The following NOB1 variants were observed in gnomAD, a reference collection of about 807,000 sequenced individuals.
NOB1 encodes NIN1 (RPN12) binding protein 1 homolog, also known as RNA-binding protein NOB1.
A neutral mutation model predicts 44.8 loss-of-function variants in NOB1; 44 were observed. The ratio of observed to expected loss-of-function variants is 0.98; its 90% CI spans 0.77 to 1.26. The LOEUF is 1.26. Among genes scored for constraint, NOB1 ranks in the 50% most tolerant of loss-of-function variants. NOB1 has a pLI of 0.00. For synonymous variants in NOB1, 238 were observed against 218.7 expected, an observed-to-expected ratio of 1.09 and a Z score of -0.78; for missense variants, 560 against 544.8, an observed-to-expected ratio of 1.03 and a Z score of -0.28.
chr16:69,753,845 C>T (rs571673205), intron 2 of NOB1, among the ~76,000 whole-genome samples: 1 of 152,224 alleles, frequency 6.6e-6, no homozygotes, highest in South Asian at 2.1e-4. Flanking sequence ...CTCGCTCTGT[C>T]GCCCAGGCTG....
Position 69,749,195 on chromosome 16 carries a change from CAAAAG to C in NOB1, c.525+13_525+17del. 2 of 1,612,730 alleles carry C rather than the reference CAAAAG, an allele frequency of 1.2e-6. No homozygotes were observed. Among genetic ancestry groups the C allele is most frequent in the Non-Finnish European group, 1.7e-6 (2 of 1,179,224 alleles). On this transcript the variant is annotated intron_variant, in intron 5 of 8. Coordinates refer to ENST00000268802, the MANE Select transcript of NOB1 (RefSeq NM_014062.3). Reference sequence around the variant, plus strand: ...AGAAGTTGAGCTGTCGTCAGAAGACCAAAAGTCAAGGCCTCACCAGCAGCTCCTGC... The same window carrying C: ...AGAAGTTGAGCTGTCGTCAGAAGACCTCAAGGCCTCACCAGCAGCTCCTGC...
intron 7 of NOB1, 63 bp from the exon 8 acceptor site, chr16:69,745,080 C>G: frequency 6.3e-7 from 1 of 1,583,154 alleles, no homozygotes; most frequent in Non-Finnish European, 8.6e-7. Flanking sequence ...CTCCCCAGAG[C>G]ACAAGGTGGG....
Position 69,742,583 on chromosome 16 carries a change from T to G in NOB1, c.988A>C (p.Lys330Gln). Reference protein sequence around the residue: ...RGLRYSLPTPKGGKYAINPHL... With the variant: ...RGLRYSLPTPQGGKYAINPHL... ...GGGTTGATGGCGTATTTGCCCCCTTTGGGAGTGGGAAGCGAGTACTGGAAA... is the reference window on the plus strand; with the variant it reads ...GGGTTGATGGCGTATTTGCCCCCTTGGGGAGTGGGAAGCGAGTACTGGAAA... Residue 330 changes from lysine (K) to glutamine (Q), a missense_variant, in exon 9 of 9, where the codon AAA becomes CAA. Coordinates refer to ENST00000268802, the MANE Select transcript of NOB1 (RefSeq NM_014062.3). 1 of 1,613,954 alleles carries G rather than the reference T, an allele frequency of 6.2e-7. No individual in the cohort carries two copies. Among genetic ancestry groups the G allele is most frequent in the Non-Finnish European group, 8.5e-7 (1 of 1,179,968 alleles).
At chr16:69,748,791 G>T in intron 6 of NOB1, 127 bp downstream of exon 6, 1 of 820,978 alleles carries the variant, frequency 1.2e-6, no homozygotes, top group Non-Finnish European at 1.9e-6. Context: ...TCACCAAATG[G>T]CACAGGTGGT....
At chr16:69,749,367 C>G in intron 4 of NOB1, 29 bp from the exon 5 acceptor site, 1 of 1,579,586 alleles carries the variant, frequency 6.3e-7, no homozygotes, top group Non-Finnish European at 8.6e-7. Context: ...ATTTTAAAAC[C>G]TGAAAATTCA....
chr16:69,744,941 T>G lies in NOB1; in HGVS notation c.901A>C (p.Ser301Arg), dbSNP rs550706516. 3 of 1,614,228 alleles carry G rather than the reference T, an allele frequency of 1.9e-6. No individual in the cohort carries two copies. In the Admixed American group the frequency reaches 5.0e-5, roughly 27 times the overall value. ...TGCATGTGCAGGGTGCCGTCGTCGC[T>G]GACGGTCACGGACACTTTCTTCAGG... ...KTLKKVSVTV[S>R]DDGTLHMHFS... The change falls in exon 8 of 9, where the codon AGC (serine) becomes CGC (arginine). Residue 301 changes from serine to arginine, a missense_variant. Coordinates refer to ENST00000268802, the MANE Select transcript of NOB1 (RefSeq NM_014062.3).
rs758093064 is a variant in NOB1 at position 69,749,205 on chromosome 16, G to T, written c.525+8C>A. 4 of 1,612,882 alleles carry T rather than the reference G, an allele frequency of 2.5e-6. No homozygotes were observed. On this transcript the variant is annotated splice_region_variant and intron_variant, in intron 5 of 8. Coordinates refer to ENST00000268802, the MANE Select transcript of NOB1 (RefSeq NM_014062.3). The stretch of plus-strand genomic sequence containing the variant: ...CTGTCGTCAGAAGACCAAAAGTCAA[G>T]GCCTCACCAGCAGCTCCTGCAGTTC...
rs2038458825 is a variant in NOB1, at chr16:69,749,051, T to C, written c.593A>G (p.Lys198Arg). The change falls in exon 6 of 9, where the codon AAA becomes AGA. Residue 198 changes from lysine (K) to arginine (R), a missense_variant. Transcript: ENST00000268802. ...EEEENGFEDR[K>R]DDSDDDGGGW... ...ACCCCCGTCGTCATCGCTGTCATCT[T>C]TTCTGTCTTCAAACCCGTTTTCTTC... 1.2e-6 allele frequency: 2 copies of C among 1,614,138 alleles called. No homozygotes were observed. Among genetic ancestry groups the C allele is most frequent in the South Asian group, 1.1e-5 (1 of 91,094 alleles).
chr16:69,749,082 C>A lies in NOB1; in HGVS notation c.562G>T (p.Glu188Ter), dbSNP rs756162538. ...RGEDVPSEEE[E>*]EEENGFEDRK... ...TCTTCAAACCCGTTTTCTTCCTCCTCCTCCTCCTCACTTGGAACGTCCTCA... is the reference window on the plus strand; with the variant it reads ...TCTTCAAACCCGTTTTCTTCCTCCTACTCCTCCTCACTTGGAACGTCCTCA... Residue 188 changes from glutamate to a stop codon, truncating the protein, a stop_gained, in exon 6 of 9, where the codon GAG becomes TAG. Transcript: ENST00000268802. LOFTEE classifies it high-confidence loss of function. 6.2e-7 allele frequency: 1 copy of A among 1,614,256 alleles called. No individual in the cohort carries two copies. Among genetic ancestry groups the A allele is most frequent in the Non-Finnish European group, 8.5e-7 (1 of 1,180,046 alleles).
At position 69,742,378 on chromosome 16, in the gene NOB1, C is replaced by A. The variant is rs763077738; in HGVS notation, c.1193G>T (p.Arg398Leu). The change falls in exon 9 of 9, where the codon CGC (arginine) becomes CTC (leucine). Residue 398 changes from arginine to leucine, a missense_variant. Arg to Leu is a moderately radical substitution (Grantham distance 102, BLOSUM62 -2). Transcript: ENST00000268802. ...RDSTLGAGRR[R>L]LNPNASRKKF... ...CTTTCTGGAAGCGTTGGGATTTAAGCGTCTCCGCCCAGCTCCCAAGGTGCT... is the reference window on the plus strand; with the variant it reads ...CTTTCTGGAAGCGTTGGGATTTAAGAGTCTCCGCCCAGCTCCCAAGGTGCT... The A allele has an allele frequency of 6.2e-7, 1 of 1,614,174 alleles. No individual in the cohort carries two copies.
chr16:69,746,735 G>T (rs555472300), intron 7 of NOB1, among the ~76,000 whole-genome samples: 1 of 152,036 alleles, frequency 6.6e-6, no homozygotes, highest in African/African-American at 2.4e-5. Flanking sequence ...GTGAAACCCT[G>T]TCACTACTAA....
Position 69,742,261 on chromosome 16 carries a change from C to T in NOB1, c.*71G>A. 1 of 1,560,622 alleles carries T rather than the reference C, an allele frequency of 6.4e-7. No individual in the cohort carries two copies. The highest frequency in any genetic ancestry group is 8.7e-7 in the Non-Finnish European group (1 of 1,149,324). ...TCGGGTGGTCCTGGAGACGACACGG[C>T]TGGGGAAATGGGTCACCGGAACTCC... On this transcript the variant is annotated 3_prime_UTR_variant, in exon 9 of 9. Transcript: ENST00000268802.
intron 8 of NOB1, among the ~76,000 whole-genome samples, chr16:69,743,459 T>C (rs1165451561): frequency 1.3e-5 from 2 of 152,190 alleles, no homozygotes; most frequent in Non-Finnish European, 2.9e-5. Context: ...AACCAAGTGA[T>C]TGAAGTTAGT....
chr16:69,752,232 T>C lies in NOB1; in HGVS notation c.327+9A>G. The C allele has an allele frequency of 6.2e-7, 1 of 1,608,884 alleles. No homozygotes were observed. The highest frequency in any genetic ancestry group is 1.1e-5 in the South Asian group (1 of 90,938). On this transcript the variant is annotated intron_variant, in intron 3 of 8. Transcript: ENST00000268802. ...ACAAAGCTTTTAAAAACCCATCCTC[T>C]TGATTTACCTTCTGTGGTTCTTGTT...
intron 1 of NOB1, 56 bp from the exon 2 acceptor site, chr16:69,754,782 A>G: frequency 6.2e-7 from 1 of 1,611,728 alleles, no homozygotes; most frequent in Non-Finnish European, 8.5e-7. Flanking sequence ...GCTCCGCGCG[A>G]CTCCACGCAC....
intron 6 of NOB1, chr16:69,748,663 A>G: frequency 1.9e-6 from 1 of 537,924 alleles, no homozygotes; most frequent in South Asian, 2.8e-5. Context: ...ACATGGCATT[A>G]TATATACTGA....
chr16:69,744,752 T>C (rs2038414560), intron 8 of NOB1, 121 bp downstream of exon 8: 1 of 1,134,694 alleles, frequency 8.8e-7, no homozygotes, highest in Non-Finnish European at 1.2e-6. Flanking sequence ...TCCGTCTTGG[T>C]ACCTAGGTCA....
rs530055515 is a variant in NOB1, at chr16:69,744,521, C to A, written c.969+352G>T. Among the ~76,000 whole-genome samples the A allele has an allele frequency of 7.2e-5, 11 of 152,268 alleles. No individual in the cohort carries two copies. The South Asian group carries it at 8.3e-4, about 11-fold the overall frequency. ...GTCGGCAGCTGCTGCTCATCTAGCCCGTCCGGCCCTCTCTTCCGTGCTGTG... is the reference window on the plus strand; with the variant it reads ...GTCGGCAGCTGCTGCTCATCTAGCCAGTCCGGCCCTCTCTTCCGTGCTGTG... On this transcript the variant is annotated intron_variant, in intron 8 of 8. Transcript: ENST00000268802.
chr16:69,752,297 A>T lies in NOB1; in HGVS notation c.271T>A (p.Tyr91Asn), dbSNP rs753258652. ...CCAACAAACTCTGCTTCCAACTGGT[A>T]TGTGAGTGCAAGCACTTGGATGTCC... is the stretch of plus-strand genomic sequence containing the variant. ...ATDIQVLALT[Y>N]QLEAEFVGVS... The change falls in exon 3 of 9, where the codon TAC becomes AAC. Residue 91 changes from tyrosine (Y) to asparagine (N), a missense_variant. Physicochemically the swap from Tyr to Asn is moderately radical, Grantham distance 143 (BLOSUM62 -2). Coordinates refer to ENST00000268802, the MANE Select transcript of NOB1 (RefSeq NM_014062.3). 5 of 1,613,712 alleles carry T rather than the reference A, an allele frequency of 3.1e-6. No homozygotes were observed. Among genetic ancestry groups the T allele is most frequent in the Non-Finnish European group, 4.2e-6 (5 of 1,179,924 alleles).
Sources: allele counts gnomAD v4.1 joint callset (sites outside exome capture counted in the v4.1 genomes callset), GRCh38; gene constraint gnomAD v4.1.1; transcripts MANE v1.5; gene names NCBI Gene and HGNC (gene_info 2026-07-23, HGNC 2026-07-21).